The following DIXDC1 variants were observed in gnomAD, a reference collection of about 807,000 sequenced individuals.
DIXDC1 encodes the protein DIX domain containing 1, also known as dixin.
Under a neutral mutation model 103.1 loss-of-function variants are expected in DIXDC1, and 64 were observed. The observed-to-expected ratio is 0.62, with a 90% CI of 0.51 to 0.76. The LOEUF is 0.76. DIXDC1 is among the 30% of genes least tolerant of loss of function. DIXDC1 has a pLI of 0.00. For missense variants in DIXDC1, 759 were observed against 834.2 expected (o/e 0.91, Z 1.11); for synonymous variants, 266 against 298.5 (o/e 0.89, Z 1.12).
In DIXDC1 at chr11:112,022,418, T is replaced by A. The variant is rs1477231103; in HGVS notation, c.*3382T>A. The A allele has an allele frequency of 6.6e-6, 1 of 152,656 alleles. No homozygotes were observed. The highest frequency in any genetic ancestry group is 1.9e-4 in the East Asian group (1 of 5,204). 9.5% of individuals were successfully genotyped at this position (152,656 alleles called of 1,614,324 possible). On this transcript the variant is annotated 3_prime_UTR_variant, in exon 20 of 20. Transcript: ENST00000440460. This position sits in a 1 kb window ranked among gnomAD's most constrained non-coding sequence, Gnocchi z 4.9. ...CAGCCATTGCTTTCAAAGAGATTAT[T>A]ACTGTGTATTCTCCCTGTTTTACAA...
At chr11:112,008,798 T>A (rs1555176943) in intron 17 of DIXDC1, among the ~76,000 whole-genome samples, 1 of 152,138 alleles carries the variant, frequency 6.6e-6, no homozygotes, top group African/African-American at 2.4e-5. Context: ...CTGAGACACA[T>A]TTAAAGCAGT....
chr11:111,980,475 C>A (rs587639562), intron 5 of DIXDC1, among the ~76,000 whole-genome samples: 1 of 152,300 alleles, frequency 6.6e-6, no homozygotes, highest in African/African-American at 2.4e-5. Flanking sequence ...AATCTCTTCT[C>A]AATGAATTAG....
chr11:112,005,745 AACTG>A (rs1861216344), intron 17 of DIXDC1, among the ~76,000 whole-genome samples: 1 of 152,214 alleles, frequency 6.6e-6, no homozygotes, highest in Non-Finnish European at 1.5e-5. Flanking sequence ...ATGAAACAAA[AACTG>A]AAAGGAGAAA....
At chr11:111,960,512 T>G (rs1317703125) in intron 1 of DIXDC1, among the ~76,000 whole-genome samples, 1 of 150,968 alleles carries the variant, frequency 6.6e-6, no homozygotes, top group Non-Finnish European at 1.5e-5. Context: ...GAGAATTGCT[T>G]GAACCCGGGA....
chr11:111,935,882 G>A (rs1966171685), upstream of DIXDC1, among the ~76,000 whole-genome samples: 1 of 152,166 alleles, frequency 6.6e-6, no homozygotes, highest in Non-Finnish European at 1.5e-5. Flanking sequence ...ACCTGTGCTG[G>A]CCCTCTGCCC....
chr11:111,953,242 G>A (rs1966847449), intron 1 of DIXDC1, among the ~76,000 whole-genome samples: 1 of 152,148 alleles, frequency 6.6e-6, no homozygotes, highest in Non-Finnish European at 1.5e-5. Flanking sequence ...AGGTACATGG[G>A]AATGCGGTGG....
chr11:111,932,904 G>A (rs1555167805), upstream of DIXDC1, among the ~76,000 whole-genome samples: 1 of 152,170 alleles, frequency 6.6e-6, no homozygotes, highest in Non-Finnish European at 1.5e-5. Context: ...TTTGCTAAAA[G>A]AATAAGACCT....
At chr11:112,011,599 T>C (rs1861422341) in intron 17 of DIXDC1, among the ~76,000 whole-genome samples, 2 of 152,170 alleles carry the variant, frequency 1.3e-5, no homozygotes, top group Non-Finnish European at 2.9e-5. Flanking sequence ...GTGGCACATA[T>C]ACACCATGGA....
In DIXDC1 at chr11:111,946,097, C is replaced by T. The variant is rs1308365157; in HGVS notation, c.60+8538C>T. On this transcript the variant is annotated intron_variant, in intron 1 of 19. Transcript: ENST00000440460. ...GATTATAGGCGCCTGCCACCACGCC[C>T]GGCTAATTTTTGTATTTTTTTTTTT... is the stretch of plus-strand genomic sequence containing the variant. Among the ~76,000 whole-genome samples the T allele has an allele frequency of 5.9e-5, 9 of 151,396 alleles. No homozygotes were observed. In the South Asian group the frequency reaches 6.3e-4, roughly 11 times the overall value.
chr11:111,954,272 A>T (rs1199334983), intron 1 of DIXDC1, among the ~76,000 whole-genome samples: 2 of 152,148 alleles, frequency 1.3e-5, no homozygotes, highest in Non-Finnish European at 2.9e-5. Context: ...GGAGGGTGCA[A>T]CCTAGATTCC....
Position 111,977,174 on chromosome 11 carries a change from G to GC in DIXDC1, c.656+2195dup. ...CCCACCCCCACCTCCACCCCGCCCA[G>GC]CCCCGCCCCTGGCCCGCACCCTCAA... On this transcript the variant is annotated intron_variant, in intron 5 of 19. Transcript: ENST00000440460. The surrounding 1 kb of genome is among the most constrained non-coding windows in gnomAD (Gnocchi z 6.1). 2.9e-6 allele frequency: 1 copy of GC among 345,808 alleles called. No individual in the cohort carries two copies. The highest frequency in any genetic ancestry group is 4.0e-6 in the Non-Finnish European group (1 of 249,102). 21.4% of individuals were successfully genotyped at this position (345,808 alleles called of 1,614,324 possible). A position where few individuals can be genotyped will look rare whatever the true frequency, so the allele number is the denominator to read the frequency against.
At chr11:111,936,687 A>C (rs782037596), upstream of DIXDC1, among the ~76,000 whole-genome samples, 3 of 151,348 alleles carry the variant, frequency 2.0e-5, no homozygotes, top group South Asian at 2.1e-4. Context: ...TCTCTTTCTT[A>C]TTTCTTTCCC....
In DIXDC1 at chr11:111,980,863, G is replaced by A. The variant is rs587602283; in HGVS notation, c.769+14G>A. The A allele has an allele frequency of 3.7e-6, 6 of 1,603,318 alleles. No homozygotes were observed. The highest frequency in any genetic ancestry group is 1.3e-5 in the African/African-American group (1 of 74,754). On this transcript the variant is annotated intron_variant, in intron 6 of 19. Transcript: ENST00000440460. ...AGAACAGAACAGGTACTATCTCTAC[G>A]CCTGCCTGGGCTGGTTCAAGGAACA... is the stretch of plus-strand genomic sequence containing the variant.
At chr11:111,967,807 T>A (rs1266720585) in intron 2 of DIXDC1, among the ~76,000 whole-genome samples, 4 of 152,224 alleles carry the variant, frequency 2.6e-5, no homozygotes, top group Admixed American at 6.5e-5. Context: ...GGCTGCTCAT[T>A]ACACTTAGGA....
At chr11:112,002,993 G>T (rs1555176163) in intron 17 of DIXDC1, among the ~76,000 whole-genome samples, 1 of 152,134 alleles carries the variant, frequency 6.6e-6, no homozygotes, top group African/African-American at 2.4e-5. Context: ...GGCACAGAAA[G>T]ACAAGTACCA....
chr11:112,010,536 A>T (rs111815149), intron 17 of DIXDC1, among the ~76,000 whole-genome samples: 2,174 of 152,328 alleles, frequency 0.014, 54 homozygotes, highest in African/African-American at 0.05. Flanking sequence ...GCATCATGCT[A>T]CCTGACTTCA....
chr11:111,952,320 C>G (rs774066685), intron 1 of DIXDC1, among the ~76,000 whole-genome samples: 4 of 152,116 alleles, frequency 2.6e-5, no homozygotes, highest in Non-Finnish European at 5.9e-5. Context: ...AGTAAAAATT[C>G]CAAGAAGCTT....
At chr11:111,971,722 G>GTATATCTATA (rs1566506369) in intron 3 of DIXDC1, among the ~76,000 whole-genome samples, 211 of 119,266 alleles carry the variant, frequency 1.8e-3, no homozygotes, top group African/African-American at 6.2e-3. Flanking sequence ...AAAATGTGGT[G>GTATATCTATA]TGTATATCTA....
chr11:111,965,707 TAAAAG>T (rs1282994554), intron 2 of DIXDC1, among the ~76,000 whole-genome samples: 2 of 152,196 alleles, frequency 1.3e-5, no homozygotes, highest in Admixed American at 6.5e-5. Flanking sequence ...GAAACAAGCT[TAAAAG>T]AGAAGATTTA....
Sources: gnomAD v4.1 joint callset for allele counts (sites outside exome capture counted in the v4.1 genomes callset) on GRCh38, gnomAD v4.1.1 for gene constraint, Gnocchi (gnomAD v3.1) non-coding constraint, MANE v1.5 for transcripts, NCBI Gene and HGNC (gene_info 2026-07-23, HGNC 2026-07-21) for gene names.